Variants in ENOX1 observed in about 807,000 individuals in gnomAD.
ENOX1 encodes ecto-NOX disulfide-thiol exchanger 1.
Under a neutral mutation model 82.5 loss-of-function variants are expected in ENOX1, and 42 were observed. The ratio of observed to expected loss-of-function variants is 0.51; its 90% CI spans 0.40 to 0.66. The LOEUF is 0.66. Ranked by LOEUF, ENOX1 falls within the 30% of genes least tolerant of loss-of-function variation. The pLI is 0.00. For missense variants in ENOX1, 608 were observed against 811.6 expected, an observed-to-expected ratio of 0.75 and a Z score of 3.05; for synonymous variants, 271 against 282.2, an observed-to-expected ratio of 0.96 and a Z score of 0.40.
At chr13:43,550,641 G>A (rs1047692399) in intron 2 of ENOX1, among the ~76,000 whole-genome samples, 1 of 152,066 alleles carries the variant, frequency 6.6e-6, no homozygotes, top group African/African-American at 2.4e-5. Flanking sequence ...ACTCTGAGAG[G>A]GTTAAATTAT....
intron 12 of ENOX1, among the ~76,000 whole-genome samples, chr13:43,277,806 G>A (rs1290983607): frequency 1.3e-5 from 2 of 152,006 alleles, no homozygotes; most frequent in Non-Finnish European, 2.9e-5. Flanking sequence ...GCAGAGAAAA[G>A]GAAAAAAATC....
At chr13:43,518,988 CA>C (rs2077659587) in intron 2 of ENOX1, among the ~76,000 whole-genome samples, 1 of 152,118 alleles carries the variant, frequency 6.6e-6, no homozygotes. Flanking sequence ...AAGTACATGA[CA>C]AAACTCTCCC....
chr13:43,563,168 A>T (rs1018560212), intron 2 of ENOX1, among the ~76,000 whole-genome samples: 27 of 152,186 alleles, frequency 1.8e-4, no homozygotes, highest in African/African-American at 6.5e-4. Context: ...TTTTAAAAAA[A>T]ATAAAATCAC....
At chr13:43,369,885 T>G (rs1158874155) in intron 5 of ENOX1, among the ~76,000 whole-genome samples, 7 of 152,232 alleles carry the variant, frequency 4.6e-5, no homozygotes, top group Non-Finnish European at 1.0e-4. Context: ...AGATGCCTAC[T>G]GGGGGTCTGG....
At chr13:43,701,998 C>T (rs997636618) in intron 1 of ENOX1, among the ~76,000 whole-genome samples, 10 of 152,150 alleles carry the variant, frequency 6.6e-5, no homozygotes, top group African/African-American at 2.4e-4. Flanking sequence ...TATGCTACTC[C>T]CTCCATCCTA....
At chr13:43,408,955 A>C (rs926290283) in intron 5 of ENOX1, among the ~76,000 whole-genome samples, 1 of 151,894 alleles carries the variant, frequency 6.6e-6, no homozygotes, top group Admixed American at 6.6e-5. Flanking sequence ...ACCAACATTA[A>C]GAGGCAAAAC....
intron 3 of ENOX1, among the ~76,000 whole-genome samples, chr13:43,448,836 G>A (rs1457326598): frequency 6.6e-6 from 1 of 152,212 alleles, no homozygotes; most frequent in Non-Finnish European, 1.5e-5. Flanking sequence ...CAAGCATTCT[G>A]CAGCCATCTA....
intron 12 of ENOX1, among the ~76,000 whole-genome samples, chr13:43,275,213 T>G (rs1331348042): frequency 6.6e-6 from 1 of 152,208 alleles, no homozygotes; most frequent in Non-Finnish European, 1.5e-5. Flanking sequence ...TATACTTCTG[T>G]GAGCGGTGTG....
At chr13:43,759,089 A>G (rs1471479920) in intron 1 of ENOX1, among the ~76,000 whole-genome samples, 2 of 133,824 alleles carry the variant, frequency 1.5e-5, no homozygotes, top group African/African-American at 5.5e-5. Context: ...CCTGGAACTG[A>G]TAAGTTTCTT....
At chr13:43,344,513 A>G in intron 9 of ENOX1, 25 bp downstream of exon 9, 1 of 1,579,118 alleles carries the variant, frequency 6.3e-7, no homozygotes, top group South Asian at 1.1e-5. Context: ...ACAACAAAAG[A>G]GATGGCCCCC....
chr13:43,213,947 G>A lies in ENOX1; in HGVS notation c.*43C>T. The A allele has an allele frequency of 6.2e-7, 1 of 1,602,378 alleles. No individual in the cohort carries two copies. The highest frequency in any genetic ancestry group is 2.2e-5 in the East Asian group (1 of 44,604). On this transcript the variant is annotated 3_prime_UTR_variant, in exon 17 of 17. Coordinates refer to ENST00000690772, the MANE Select transcript of ENOX1 (RefSeq NM_001347969.2). ...CTTCCCCGTCGCACCGCCCTGGCCAGGTTCACATGGTTTCATTTCCAGAGA... is the reference window on the plus strand; with the variant it reads ...CTTCCCCGTCGCACCGCCCTGGCCAAGTTCACATGGTTTCATTTCCAGAGA...
rs774623682 is a variant in ENOX1 at position 43,344,519 on chromosome 13, C to T, written c.1036+19G>A. On this transcript the variant is annotated intron_variant, in intron 9 of 16. Transcript: ENST00000690772. ...GGCAAAATCACAACAAAAGAGATGG[C>T]CCCCAAAATTTTACTTACATTGAGT... is the stretch of plus-strand genomic sequence containing the variant. 4.4e-6 allele frequency: 7 copies of T among 1,588,168 alleles called. No homozygotes were observed. Among genetic ancestry groups the T allele is most frequent in the South Asian group, 2.3e-5 (2 of 88,424 alleles).
intron 8 of ENOX1, among the ~76,000 whole-genome samples, chr13:43,345,949 T>C (rs1193955019): frequency 2.0e-5 from 3 of 152,166 alleles, no homozygotes; most frequent in African/African-American, 4.8e-5. Flanking sequence ...CATCCTTATG[T>C]TGTTTGCATA....
intron 14 of ENOX1, among the ~76,000 whole-genome samples, chr13:43,257,492 G>T (rs1166106379): frequency 6.6e-6 from 1 of 152,140 alleles, no homozygotes; most frequent in African/African-American, 2.4e-5. Context: ...AAAGAAAAAT[G>T]TAGGTTGTAA....
intron 1 of ENOX1, among the ~76,000 whole-genome samples, chr13:43,782,798 C>T (rs1003962609): frequency 6.6e-6 from 1 of 152,076 alleles, no homozygotes; most frequent in Admixed American, 6.5e-5. Context: ...ATATATGATC[C>T]AAGTTTTCCA....
chr13:43,577,799 G>C (rs1230350232), intron 2 of ENOX1, among the ~76,000 whole-genome samples: 15 of 152,104 alleles, frequency 9.9e-5, no homozygotes, highest in Admixed American at 9.8e-4. Flanking sequence ...CTCATTTATA[G>C]CATCCCTAGA....
chr13:43,470,350 A>G lies in ENOX1; in HGVS notation c.-75+13659T>C, dbSNP rs2057983674. 7.4e-5 allele frequency among the ~76,000 whole-genome samples: 3 copies of G among 40,754 alleles called. 1 individual carries two copies. The highest frequency in any genetic ancestry group is 1.3e-4 in the Non-Finnish European group (3 of 22,296). The allele number at this position is 40,754 out of a possible 152,430, so 26.7% of individuals were successfully genotyped here. A position where few individuals can be genotyped will look rare whatever the true frequency, so the allele number is the denominator to read the frequency against. On this transcript the variant is annotated intron_variant, in intron 3 of 16. Coordinates refer to ENST00000690772, the MANE Select transcript of ENOX1 (RefSeq NM_001347969.2). ...TATATGTATATATATACGTATATATATATGTATATATATACGTATATATAT... is the reference window on the plus strand; with the variant it reads ...TATATGTATATATATACGTATATATGTATGTATATATATACGTATATATAT...
intron 3 of ENOX1, among the ~76,000 whole-genome samples, chr13:43,417,560 A>G (rs1394768322): frequency 6.6e-6 from 1 of 152,208 alleles, no homozygotes; most frequent in Non-Finnish European, 1.5e-5. Flanking sequence ...CAAGACCATA[A>G]TGCCTAATTT....
chr13:43,494,700 A>T (rs937754492), intron 2 of ENOX1, among the ~76,000 whole-genome samples: 37 of 152,218 alleles, frequency 2.4e-4, no homozygotes, highest in African/African-American at 8.7e-4. Flanking sequence ...GAGAATAACA[A>T]ATTTGAAATT....
Sources: gnomAD v4.1 joint callset for allele counts (sites outside exome capture counted in the v4.1 genomes callset) on GRCh38, gnomAD v4.1.1 for gene constraint, MANE v1.5 for transcripts, NCBI Gene and HGNC (gene_info 2026-07-23, HGNC 2026-07-21) for gene names.